The following PACRG variants were observed in gnomAD, a reference collection of about 807,000 sequenced individuals.
The protein encoded by PACRG is parkin coregulated gene protein.
Under a neutral mutation model 29.7 loss-of-function variants are expected in PACRG, and 29 were observed. The observed-to-expected ratio is 0.98, with a 90% CI of 0.73 to 1.33. PACRG has a LOEUF of 1.33. Among genes scored for constraint, PACRG ranks in the 40% most tolerant of loss-of-function variants. The probability of loss-of-function intolerance (pLI) is 0.00; values close to 1 mark genes in which losing one functional copy is unlikely to be tolerated. For synonymous variants in PACRG, 116 were observed against 118.7 expected, an observed-to-expected ratio of 0.98 and a Z score of 0.15; for missense variants, 279 against 316.2, an observed-to-expected ratio of 0.88 and a Z score of 0.89.
intron 2 of PACRG, among the ~76,000 whole-genome samples, chr6:162,972,347 G>T (rs1351378321): frequency 6.6e-6 from 1 of 152,126 alleles, no homozygotes; most frequent in Non-Finnish European, 1.5e-5. Flanking sequence ...AGTCTCTAAA[G>T]ATTGCCTACT....
intron 4 of PACRG, among the ~76,000 whole-genome samples, chr6:163,269,877 G>GAGAAAGAAAGAAAGAAAGAAAGAAAC (rs1562349552): frequency 1.5e-4 from 5 of 34,078 alleles, no homozygotes; most frequent in Non-Finnish European, 3.0e-4. Flanking sequence ...GAGAAAGAAA[G>GAGAAAGAAAGAAAGAAAGAAAGAAAC]AAAGAAAGAA....
chr6:162,758,616 C>G (rs1782115915), intron 1 of PACRG, among the ~76,000 whole-genome samples: 1 of 152,114 alleles, frequency 6.6e-6, no homozygotes, highest in African/African-American at 2.4e-5. Context: ...GACAAGAGAG[C>G]CAGATTACCT....
At chr6:162,747,370 A>ATGTG in intron 1 of PACRG, among the ~76,000 whole-genome samples, 1 of 50,548 alleles carries the variant, frequency 2.0e-5, no homozygotes, top group Non-Finnish European at 3.5e-5. Context: ...ATATACACAT[A>ATGTG]CATATATATG....
At chr6:162,923,243 T>C (rs1797193837) in intron 2 of PACRG, among the ~76,000 whole-genome samples, 1 of 152,200 alleles carries the variant, frequency 6.6e-6, no homozygotes, top group African/African-American at 2.4e-5. Context: ...TTCCTATTGA[T>C]TTGTTTGAGC....
chr6:163,143,862 C>T (rs527325669), intron 4 of PACRG, among the ~76,000 whole-genome samples: 20 of 152,168 alleles, frequency 1.3e-4, no homozygotes, highest in Admixed American at 6.5e-4. Flanking sequence ...ACCAAGAGGT[C>T]GGTGTGGGAA....
chr6:163,024,001 T>C (rs1806882972), intron 2 of PACRG, among the ~76,000 whole-genome samples: 1 of 152,204 alleles, frequency 6.6e-6, no homozygotes, highest in South Asian at 2.1e-4. Flanking sequence ...ACAAATATTC[T>C]CTCCCATTCT....
At chr6:162,970,081 ACT>A (rs1445665726) in intron 2 of PACRG, among the ~76,000 whole-genome samples, 5 of 151,984 alleles carry the variant, frequency 3.3e-5, no homozygotes, top group Admixed American at 3.3e-4. Flanking sequence ...TGGCTTTTTC[ACT>A]CTGTCTGCTG....
intron 4 of PACRG, among the ~76,000 whole-genome samples, chr6:163,290,030 A>AGT (rs1784533855): frequency 1.3e-5 from 2 of 151,956 alleles, no homozygotes. Flanking sequence ...TATTTTTAGT[A>AGT]GAGACTGGGT....
intron 2 of PACRG, among the ~76,000 whole-genome samples, chr6:162,974,640 A>G (rs2128163821): frequency 6.6e-6 from 1 of 152,280 alleles, no homozygotes; most frequent in Admixed American, 6.5e-5. Context: ...CCTGTTTCCT[A>G]TTGACATGCA....
intron 4 of PACRG, among the ~76,000 whole-genome samples, chr6:163,267,714 C>A (rs1351190495): frequency 6.6e-6 from 1 of 152,164 alleles, no homozygotes; most frequent in East Asian, 1.9e-4. Context: ...ATTCTTAGAA[C>A]AATCGTATAA....
intron 4 of PACRG, among the ~76,000 whole-genome samples, chr6:163,282,500 C>A (rs1428101625): frequency 6.6e-6 from 1 of 152,082 alleles, no homozygotes; most frequent in Non-Finnish European, 1.5e-5. Context: ...CACCTGAGGT[C>A]AGGAGTTCGA....
intron 2 of PACRG, among the ~76,000 whole-genome samples, chr6:162,875,831 C>T (rs1213360650): frequency 6.6e-6 from 1 of 152,202 alleles, no homozygotes; most frequent in Non-Finnish European, 1.5e-5. Context: ...GGGAGGTCTT[C>T]TTCCTCCAGT....
At chr6:163,172,621 G>A (rs79748474) in intron 4 of PACRG, among the ~76,000 whole-genome samples, 3,893 of 152,292 alleles carry the variant, frequency 0.026, 160 homozygotes, top group African/African-American at 0.09. Context: ...TTGACTTCTG[G>A]TGGATCCTGA....
intron 4 of PACRG, among the ~76,000 whole-genome samples, chr6:163,240,222 C>A (rs1782443801): frequency 1.3e-5 from 2 of 151,084 alleles, no homozygotes; most frequent in South Asian, 2.1e-4. Flanking sequence ...TAACGCCTGG[C>A]CTTGGAGAGA....
chr6:163,127,091 TA>T (rs1244621043), intron 4 of PACRG, among the ~76,000 whole-genome samples: 1 of 152,228 alleles, frequency 6.6e-6, no homozygotes, highest in Non-Finnish European at 1.5e-5. Context: ...TCAGTTTTTT[TA>T]TGAGACTATG....
In PACRG at chr6:163,055,354, GCACA is replaced by G. The variant is rs1398753846; in HGVS notation, c.292-6790_292-6787del. 6.7e-5 allele frequency among the ~76,000 whole-genome samples: 10 copies of G among 149,952 alleles called. No homozygotes were observed. In the East Asian group the frequency reaches 2.0e-3, roughly 30 times the overall value. On this transcript the variant is annotated intron_variant, in intron 2 of 4. Coordinates refer to ENST00000366888, the MANE Select transcript of PACRG (RefSeq NM_001080379.2). The surrounding 1 kb of genome is among the most constrained non-coding windows in gnomAD (Gnocchi z 4.0). ...TGCACACACACATGCACACACACACGCACACACACGCACACATATACACACATGC... is the reference window on the plus strand; with the variant it reads ...TGCACACACACATGCACACACACACGCACACGCACACATATACACACATGC...
Position 162,777,142 on chromosome 6 carries a change from G to A in PACRG, c.157-37005G>A, listed in dbSNP as rs1377455010. 1.3e-5 allele frequency among the ~76,000 whole-genome samples: 2 copies of A among 152,336 alleles called. No homozygotes were observed. Among genetic ancestry groups the A allele is most frequent in the East Asian group, 1.9e-4 (1 of 5,180 alleles). On this transcript the variant is annotated intron_variant, in intron 1 of 4. Transcript: ENST00000366888. The surrounding 1 kb of genome is among the most constrained non-coding windows in gnomAD (Gnocchi z 4.0). ...CAACCAACTATTTCTCTGGGTGAAT[G>A]TTCTGTCGCACACTTGCACAAACCC... is the stretch of plus-strand genomic sequence containing the variant.
chr6:162,996,675 A>G (rs999003528), intron 2 of PACRG, among the ~76,000 whole-genome samples: 1 of 152,170 alleles, frequency 6.6e-6, no homozygotes, highest in African/African-American at 2.4e-5. Flanking sequence ...TACACACAGT[A>G]AGACTTTGGC....
At position 162,944,399 on chromosome 6, in the gene PACRG, A is replaced by G. The variant is rs145052156; in HGVS notation, c.292-117751A>G. The stretch of plus-strand genomic sequence containing the variant: ...GATGTGCACATATCAATGTAAGGAC[A>G]CAAGAAACATAAAAAAGTGGGGAAC... On this transcript the variant is annotated intron_variant, in intron 2 of 4. Coordinates refer to ENST00000366888, the MANE Select transcript of PACRG (RefSeq NM_001080379.2). 3.2e-4 allele frequency among the ~76,000 whole-genome samples: 48 copies of G among 152,340 alleles called. No individual in the cohort carries two copies. In the East Asian group the frequency reaches 9.1e-3, roughly 29 times the overall value.
Sources: allele counts gnomAD v4.1 joint callset (sites outside exome capture counted in the v4.1 genomes callset), GRCh38; gene constraint gnomAD v4.1.1; non-coding constraint Gnocchi (gnomAD v3.1); transcripts MANE v1.5; gene names NCBI Gene and HGNC (gene_info 2026-07-23, HGNC 2026-07-21).